PTPRK: variants seen among roughly 807,000 people sequenced by gnomAD.
PTPRK encodes receptor-type tyrosine-protein phosphatase kappa.
A neutral mutation model predicts 178.0 loss-of-function variants in PTPRK; 75 were observed. That is an observed-to-expected ratio of 0.42 (90% CI 0.35 to 0.51). PTPRK has a LOEUF of 0.51. Ranked by LOEUF, PTPRK falls within the 20% of genes least tolerant of loss-of-function variation. The pLI, the probability that PTPRK is intolerant of heterozygous loss-of-function variation, is 0.02. For missense variants in PTPRK, 1,441 were observed against 1,797.8 expected (o/e 0.80, Z 3.59); for synonymous variants, 637 against 620.6 (o/e 1.03, Z -0.39).
At chr6:128,370,344 T>G (rs1836095841) in intron 2 of PTPRK, among the ~76,000 whole-genome samples, 1 of 152,076 alleles carries the variant, frequency 6.6e-6, no homozygotes, top group African/African-American at 2.4e-5. Context: ...TTAAATTAGT[T>G]GCTCACAGCT....
At chr6:128,499,664 T>C (rs1426917463) in intron 1 of PTPRK, among the ~76,000 whole-genome samples, 2 of 152,224 alleles carry the variant, frequency 1.3e-5, no homozygotes, top group African/African-American at 4.8e-5. Flanking sequence ...ATAGTAACTT[T>C]CCCATATTTT....
chr6:128,181,694 G>C (rs963277007), intron 7 of PTPRK, among the ~76,000 whole-genome samples: 1 of 152,018 alleles, frequency 6.6e-6, no homozygotes, highest in Non-Finnish European at 1.5e-5. Context: ...CTATTTTGTT[G>C]ATATGAACTT....
chr6:128,353,771 CAA>C (rs1190379333), intron 2 of PTPRK, among the ~76,000 whole-genome samples: 1 of 151,794 alleles, frequency 6.6e-6, no homozygotes, highest in Non-Finnish European at 1.5e-5. Context: ...CTTCAGGTGA[CAA>C]AAAAAATTCT....
chr6:128,259,690 A>C (rs945160965), intron 3 of PTPRK, among the ~76,000 whole-genome samples: 2 of 152,218 alleles, frequency 1.3e-5, no homozygotes, highest in Non-Finnish European at 2.9e-5. Flanking sequence ...TAGAAGTATA[A>C]TTCAGTGTGT....
intron 1 of PTPRK, among the ~76,000 whole-genome samples, chr6:128,447,769 G>A (rs1210703527): frequency 2.6e-5 from 4 of 151,916 alleles, no homozygotes; most frequent in African/African-American, 9.7e-5. Context: ...GACTACACGC[G>A]TGTGCCACCA....
Position 128,250,346 on chromosome 6 carries a change from T to C in PTPRK, c.496-7744A>G, listed in dbSNP as rs534207930. On this transcript the variant is annotated intron_variant, in intron 3 of 29. Coordinates refer to ENST00000368226, the MANE Select transcript of PTPRK (RefSeq NM_002844.4). ...TGATGATTATAATTACATAATTAAC[T>C]CTAAGTAAACATTTGATGTTTATTT... Among the ~76,000 whole-genome samples the C allele has an allele frequency of 2.0e-5, 3 of 152,288 alleles. No individual in the cohort carries two copies. In the South Asian group the frequency reaches 6.2e-4, roughly 32 times the overall value.
At chr6:128,443,577 G>C (rs1418359496) in intron 1 of PTPRK, among the ~76,000 whole-genome samples, 2 of 152,082 alleles carry the variant, frequency 1.3e-5, no homozygotes, top group Non-Finnish European at 2.9e-5. Flanking sequence ...GTGAGGTTGG[G>C]GTGAAATGCA....
At chr6:128,064,714 G>C (rs750471197) in intron 13 of PTPRK, 44 bp downstream of exon 13, 3 of 1,561,308 alleles carry the variant, frequency 1.9e-6, no homozygotes, top group Middle Eastern at 1.7e-4. Flanking sequence ...TTTTAGAAAG[G>C]GGGTGAGAGT....
intron 2 of PTPRK, among the ~76,000 whole-genome samples, chr6:128,387,994 T>C (rs1839007128): frequency 6.6e-6 from 1 of 152,112 alleles, no homozygotes; most frequent in Non-Finnish European, 1.5e-5. Flanking sequence ...GAAGAAAGTT[T>C]ACAAATTTGT....
chr6:127,986,851 A>G (rs1490802120), intron 21 of PTPRK, among the ~76,000 whole-genome samples: 2 of 152,090 alleles, frequency 1.3e-5, no homozygotes, highest in Non-Finnish European at 1.5e-5. Context: ...TACCACCAAA[A>G]CCTTGGAAGT....
intron 3 of PTPRK, among the ~76,000 whole-genome samples, chr6:128,311,469 C>G (rs568420986): frequency 6.6e-6 from 1 of 152,236 alleles, no homozygotes; most frequent in Admixed American, 6.5e-5. Context: ...TAAGGTACAA[C>G]TTTTTCAACA....
rs1035643104 is a variant in PTPRK at position 128,355,332 on chromosome 6, T to G, written c.224-33022A>C. The stretch of plus-strand genomic sequence containing the variant: ...TTTCTATCCATGCTATCTAAATTAT[T>G]TGAAATTTAAAATAGTAGAATAAAA... On this transcript the variant is annotated intron_variant, in intron 2 of 29. Transcript: ENST00000368226. Among the ~76,000 whole-genome samples the G allele has an allele frequency of 2.0e-5, 3 of 152,234 alleles. No individual in the cohort carries two copies. The East Asian group carries it at 5.8e-4, about 29-fold the overall frequency.
intron 7 of PTPRK, among the ~76,000 whole-genome samples, chr6:128,150,263 A>C (rs1201481824): frequency 1.3e-5 from 2 of 152,140 alleles, no homozygotes; most frequent in African/African-American, 4.8e-5. Flanking sequence ...TTTTAATATC[A>C]CATAAAATCA....
At chr6:128,309,526 G>A (rs536888494) in intron 3 of PTPRK, among the ~76,000 whole-genome samples, 1 of 152,204 alleles carries the variant, frequency 6.6e-6, no homozygotes, top group South Asian at 2.1e-4. Context: ...GCTGAAGTGT[G>A]GTAGCTGCTA....
chr6:128,336,651 C>T (rs1830973563), intron 2 of PTPRK, among the ~76,000 whole-genome samples: 1 of 152,178 alleles, frequency 6.6e-6, no homozygotes, highest in South Asian at 2.1e-4. Flanking sequence ...TTGAGAATAA[C>T]CATAAGCAAG....
At position 128,089,815 on chromosome 6, in the gene PTPRK, G is replaced by C. The variant is rs777065040; in HGVS notation, c.1340C>G (p.Pro447Arg). Residue 447 changes from proline (P) to arginine (R), a missense_variant, in exon 8 of 30, where the codon CCC becomes CGC. Transcript: ENST00000368226. ...ESKADCLDMD[P>R]KAPQHVVNHL... Reference sequence around the variant, plus strand: ...GTTCACAACATGCTGAGGGGCTTTGGGGTCCATGTCCAAACAGTCTGCCTT... The same window carrying C: ...GTTCACAACATGCTGAGGGGCTTTGCGGTCCATGTCCAAACAGTCTGCCTT... 6.2e-7 allele frequency: 1 copy of C among 1,614,002 alleles called. No individual in the cohort carries two copies. The highest frequency in any genetic ancestry group is 8.5e-7 in the Non-Finnish European group (1 of 1,179,914).
intron 1 of PTPRK, among the ~76,000 whole-genome samples, chr6:128,509,672 C>T (rs1232923124): frequency 2.0e-5 from 3 of 152,024 alleles, no homozygotes; most frequent in Non-Finnish European, 1.5e-5. Context: ...AGTCATTCTT[C>T]ATTGTAATAT....
At position 128,489,858 on chromosome 6, in the gene PTPRK, T is replaced by G. The variant is rs144915904; in HGVS notation, c.100+30401A>C. On this transcript the variant is annotated intron_variant, in intron 1 of 29. Transcript: ENST00000368226. ...TAATGTAGATATGTATGCAGTATAA[T>G]CCATTCTGCATCTGCATTTTCAGGA... Among the ~76,000 whole-genome samples, 750 of 152,346 alleles carry G rather than the reference T, an allele frequency of 4.9e-3. 9 individuals are homozygous for G. Among genetic ancestry groups the G allele is most frequent in the African/African-American group, 0.017 (712 of 41,578 alleles).
At chr6:128,354,178 G>A (rs375876525) in intron 2 of PTPRK, among the ~76,000 whole-genome samples, 2 of 149,226 alleles carry the variant, frequency 1.3e-5, no homozygotes, top group African/African-American at 4.9e-5. Context: ...TTACTAAGTT[G>A]GGATAAGCCT....
Sources: gnomAD v4.1 joint callset for allele counts (sites outside exome capture counted in the v4.1 genomes callset) on GRCh38, gnomAD v4.1.1 for gene constraint, MANE v1.5 for transcripts, NCBI Gene and HGNC (gene_info 2026-07-23, HGNC 2026-07-21) for gene names.